The following MYO3A variants were observed in gnomAD, a reference collection of about 807,000 sequenced individuals.
The protein encoded by MYO3A is myosin-IIIa.
A neutral mutation model predicts 192.7 loss-of-function variants in MYO3A; 180 were observed. The observed-to-expected ratio is 0.93, with a 90% CI of 0.83 to 1.06. MYO3A has a LOEUF of 1.06. Among genes scored for constraint, MYO3A ranks in the 50% least tolerant of loss-of-function variants. The pLI is 0.00. For synonymous variants in MYO3A, 628 were observed against 645.3 expected, an observed-to-expected ratio of 0.97 and a Z score of 0.41; for missense variants, 1,896 against 1,905.0, an observed-to-expected ratio of 1.00 and a Z score of 0.09.
intron 10 of MYO3A, among the ~76,000 whole-genome samples, chr10:26,032,311 C>T (rs1842834429): frequency 6.6e-6 from 1 of 152,096 alleles, no homozygotes; most frequent in African/African-American, 2.4e-5. Context: ...AAAAATTGAC[C>T]ATCCAATCAG....
At chr10:26,125,257 A>G in intron 18 of MYO3A, 141 bp from the exon 19 acceptor site, 1 of 804,004 alleles carries the variant, frequency 1.2e-6, no homozygotes, top group Non-Finnish European at 2.1e-6. Context: ...CTCATGTTGG[A>G]TAGTATCATA....
chr10:26,198,930 G>GAA (rs2132187668), intron 32 of MYO3A, among the ~76,000 whole-genome samples: 1 of 152,180 alleles, frequency 6.6e-6, no homozygotes, highest in East Asian at 1.9e-4. Flanking sequence ...AACTATAATT[G>GAA]AAAACATTGT....
chr10:25,936,134 CTT>C, intron 2 of MYO3A, among the ~76,000 whole-genome samples: 1 of 152,060 alleles, frequency 6.6e-6, no homozygotes, highest in South Asian at 2.1e-4. Context: ...TTAATATCAA[CTT>C]AATATATATG....
At chr10:26,170,349 T>G (rs955073892) in intron 28 of MYO3A, 67 bp from the exon 29 acceptor site, 4 of 1,556,034 alleles carry the variant, frequency 2.6e-6, no homozygotes, top group Admixed American at 3.5e-5. Flanking sequence ...CCACCATTTC[T>G]ACTCTTTAAA....
At chr10:26,145,315 A>C in intron 21 of MYO3A, 131 bp from the exon 22 acceptor site, 1 of 677,144 alleles carries the variant, frequency 1.5e-6, no homozygotes, top group Admixed American at 2.3e-5. Context: ...TCTATTCCAA[A>C]TCTGCATATA....
Position 26,079,905 on chromosome 10 carries a change from T to G in MYO3A, c.1360-8298T>G, listed in dbSNP as rs138310138. 6.8e-3 allele frequency among the ~76,000 whole-genome samples: 1,042 copies of G among 152,336 alleles called. 4 individuals carry two copies. Among genetic ancestry groups the G allele is most frequent in the Non-Finnish European group, 0.011 (741 of 68,026 alleles). ...AGAAATCTGCTGTTAATCTGTATGC[T>G]TTCCCTTTTAGGTTACCTGGTGCTT... is the stretch of plus-strand genomic sequence containing the variant. On this transcript the variant is annotated intron_variant, in intron 14 of 34. Coordinates refer to ENST00000642920, the MANE Select transcript of MYO3A (RefSeq NM_017433.5).
At chr10:25,945,535 T>C (rs1267712525) in intron 2 of MYO3A, among the ~76,000 whole-genome samples, 3 of 152,124 alleles carry the variant, frequency 2.0e-5, no homozygotes, top group Non-Finnish European at 4.4e-5. Flanking sequence ...TTTGGAGCTC[T>C]AAATTTTGGT....
chr10:26,085,625 TGA>T (rs1413098548), intron 14 of MYO3A, among the ~76,000 whole-genome samples: 2 of 152,238 alleles, frequency 1.3e-5, no homozygotes, highest in Non-Finnish European at 2.9e-5. Flanking sequence ...CCACCTCACC[TGA>T]GATGTGTGGT....
intron 4 of MYO3A, among the ~76,000 whole-genome samples, chr10:25,990,437 C>T (rs1172247956): frequency 2.0e-5 from 3 of 151,626 alleles, no homozygotes; most frequent in Non-Finnish European, 4.4e-5. Context: ...GCCCTAGATC[C>T]TAAAATTTGA....
At chr10:26,117,795 A>G (rs764204391) in intron 17 of MYO3A, among the ~76,000 whole-genome samples, 3 of 152,182 alleles carry the variant, frequency 2.0e-5, no homozygotes, top group Non-Finnish European at 2.9e-5. Flanking sequence ...TAGTGCTGCA[A>G]TGAACATATG....
At position 26,062,530 on chromosome 10, in the gene MYO3A, A is replaced by AAAAAAAAAAAAACAAAAACG. The variant is rs1554816581; in HGVS notation, c.954-4442_954-4441insAAAAAAAAACAAAAACGAAA. 6.3e-4 allele frequency among the ~76,000 whole-genome samples: 80 copies of AAAAAAAAAAAAACAAAAACG among 125,992 alleles called. 1 individual carries two copies. The highest frequency in any genetic ancestry group is 2.3e-3 in the African/African-American group (79 of 34,964). 82.7% of individuals were successfully genotyped at this position (125,992 alleles called of 152,430 possible). ...GATGCCATCTCAAAAAAAAAAAAAA[A>AAAAAAAAAAAAACAAAAACG]AAATTATGGAGGAATCTAATTAAGA... On this transcript the variant is annotated intron_variant, in intron 10 of 34. Coordinates refer to ENST00000642920, the MANE Select transcript of MYO3A (RefSeq NM_017433.5).
intron 15 of MYO3A, among the ~76,000 whole-genome samples, chr10:26,090,380 AAGAAATAG>A (rs1836626520): frequency 6.6e-6 from 1 of 152,210 alleles, no homozygotes; most frequent in Non-Finnish European, 1.5e-5. Flanking sequence ...GATGCATTCT[AAGAAATAG>A]CATAGTCAGG....
At chr10:26,137,228 C>T (rs925934614) in intron 20 of MYO3A, among the ~76,000 whole-genome samples, 1 of 151,928 alleles carries the variant, frequency 6.6e-6, no homozygotes, top group African/African-American at 2.4e-5. Flanking sequence ...TAAATTATTC[C>T]AGACATGGGT....
intron 29 of MYO3A, among the ~76,000 whole-genome samples, chr10:26,170,803 C>T (rs575580950): frequency 6.6e-6 from 1 of 152,306 alleles, no homozygotes; most frequent in African/African-American, 2.4e-5. Flanking sequence ...ATATGTCCTC[C>T]AATCCCCACA....
intron 20 of MYO3A, among the ~76,000 whole-genome samples, chr10:26,137,837 G>A (rs1839939117): frequency 6.6e-6 from 1 of 152,138 alleles, no homozygotes; most frequent in African/African-American, 2.4e-5. Context: ...AGTACCCTCA[G>A]GCTTACTGGA....
chr10:26,134,949 T>C (rs1839761634), intron 20 of MYO3A, among the ~76,000 whole-genome samples: 1 of 152,224 alleles, frequency 6.6e-6, no homozygotes, highest in Non-Finnish European at 1.5e-5. Context: ...CTATGTAGCT[T>C]CTTTCCTGTT....
intron 6 of MYO3A, among the ~76,000 whole-genome samples, chr10:26,001,678 A>G (rs1394761889): frequency 6.6e-6 from 1 of 152,098 alleles, no homozygotes; most frequent in African/African-American, 2.4e-5. Flanking sequence ...CTCCTGACAC[A>G]AGGTCTTAAA....
At chr10:26,200,092 G>A (rs1169465026) in intron 32 of MYO3A, among the ~76,000 whole-genome samples, 1 of 152,192 alleles carries the variant, frequency 6.6e-6, no homozygotes, top group South Asian at 2.1e-4. Context: ...GAACAGGAAT[G>A]TAATTGATAT....
intron 22 of MYO3A, among the ~76,000 whole-genome samples, chr10:26,145,973 C>G (rs1161400503): frequency 6.6e-6 from 1 of 152,224 alleles, no homozygotes; most frequent in East Asian, 1.9e-4. Context: ...TTGGTATAGA[C>G]TGCCTTTTTC....
Sources: allele counts gnomAD v4.1 joint callset (sites outside exome capture counted in the v4.1 genomes callset), GRCh38; gene constraint gnomAD v4.1.1; transcripts MANE v1.5; gene names NCBI Gene and HGNC (gene_info 2026-07-23, HGNC 2026-07-21).